Variants in TENM3 observed in about 807,000 individuals in gnomAD.
TENM3 encodes teneurin-3.
TENM3 carries 63 observed loss-of-function variants against 255.1 expected under a neutral mutation model. The observed-to-expected ratio is 0.25, with a 90% CI of 0.20 to 0.30. TENM3 has a LOEUF of 0.30. Ranked by LOEUF, TENM3 falls within the 10% of genes least tolerant of loss-of-function variation. The pLI, the probability that TENM3 is intolerant of heterozygous loss-of-function variation, is 1.00. For synonymous variants in TENM3, 1,306 were observed against 1,322.3 expected (o/e 0.99, Z 0.27); for missense variants, 2,929 against 3,461.1 (o/e 0.85, Z 3.86).
At chr4:182,769,247 T>C (rs756869505) in intron 22 of TENM3, among the ~76,000 whole-genome samples, 2 of 152,114 alleles carry the variant, frequency 1.3e-5, no homozygotes, top group Non-Finnish European at 2.9e-5. Flanking sequence ...TTTGTGGAGG[T>C]AAAGAAGAGT....
At chr4:181,695,248 T>C in the TENM3 span, among the ~76,000 whole-genome samples, 44,428 of 152,016 alleles carry the variant, frequency 0.29, 7,116 homozygotes, top group Admixed American at 0.49. Flanking sequence ...TAGCTAAAGA[T>C]GGCCTCTCTG....
chr4:182,285,300 G>A (rs1395222862), intron 1 of TENM3, among the ~76,000 whole-genome samples: 2 of 151,934 alleles, frequency 1.3e-5, no homozygotes, highest in East Asian at 3.9e-4. Flanking sequence ...ATAGAATATG[G>A]TATAAGGAAT....
the TENM3 span, among the ~76,000 whole-genome samples, chr4:181,864,382 C>T: frequency 6.6e-6 from 1 of 151,974 alleles, no homozygotes; most frequent in Non-Finnish European, 1.5e-5. Context: ...ATTTTCACCC[C>T]GTCTACTTGG....
the TENM3 span, among the ~76,000 whole-genome samples, chr4:181,977,791 G>T: frequency 6.6e-6 from 1 of 152,156 alleles, no homozygotes. Flanking sequence ...TTTTCCTGTG[G>T]ATGCTCACCA....
At chr4:182,324,659 A>AC (rs1196191595) in intron 2 of TENM3, among the ~76,000 whole-genome samples, 3 of 151,928 alleles carry the variant, frequency 2.0e-5, no homozygotes, top group Non-Finnish European at 4.4e-5. Flanking sequence ...TGGTGAAGAA[A>AC]CCCATCTTTC....
chr4:182,397,109 G>A (rs1768878545), intron 3 of TENM3, among the ~76,000 whole-genome samples: 2 of 151,852 alleles, frequency 1.3e-5, no homozygotes, highest in Admixed American at 1.3e-4. Flanking sequence ...TATGAATTAG[G>A]AACAGAAGAG....
chr4:182,214,064 A>G (rs962314044), intron 1 of TENM3, among the ~76,000 whole-genome samples: 1 of 152,164 alleles, frequency 6.6e-6, no homozygotes, highest in African/African-American at 2.4e-5. Flanking sequence ...GGCCTCCCCA[A>G]GTGCTGGGAT....
At chr4:181,970,422 C>G in the TENM3 span, among the ~76,000 whole-genome samples, 1 of 152,128 alleles carries the variant, frequency 6.6e-6, no homozygotes, top group Admixed American at 6.6e-5. Context: ...GAAACTTTAT[C>G]CCAACTATCA....
intron 1 of TENM3, among the ~76,000 whole-genome samples, chr4:182,284,860 C>A (rs1299656007): frequency 6.6e-6 from 1 of 152,150 alleles, no homozygotes; most frequent in Non-Finnish European, 1.5e-5. Flanking sequence ...ATGTCTGATT[C>A]TATTAAGCAT....
intron 13 of TENM3, among the ~76,000 whole-genome samples, chr4:182,724,328 A>G (rs1220736098): frequency 6.6e-6 from 1 of 152,242 alleles, no homozygotes; most frequent in Non-Finnish European, 1.5e-5. Flanking sequence ...TGGGTAATCA[A>G]CTTAGTTAAT....
intron 1 of TENM3, among the ~76,000 whole-genome samples, chr4:182,316,624 G>A (rs1435246634): frequency 6.6e-6 from 1 of 152,116 alleles, no homozygotes. Flanking sequence ...CTTTCAAGGA[G>A]GTGAGTAGTG....
intron 3 of TENM3, among the ~76,000 whole-genome samples, chr4:182,361,267 G>A (rs1243228509): frequency 6.6e-6 from 1 of 151,998 alleles, no homozygotes; most frequent in Non-Finnish European, 1.5e-5. Flanking sequence ...GAATGTTCCT[G>A]CCTTGCTAGA....
intron 4 of TENM3, among the ~76,000 whole-genome samples, chr4:182,608,486 C>G (rs1389844264): frequency 3.9e-5 from 6 of 151,926 alleles, no homozygotes; most frequent in Non-Finnish European, 8.8e-5. Context: ...CGTTTATTTT[C>G]CACGAGGTGC....
chr4:182,506,942 CTG>C (rs1736887746), intron 3 of TENM3, among the ~76,000 whole-genome samples: 1 of 152,132 alleles, frequency 6.6e-6, no homozygotes, highest in South Asian at 2.1e-4. Context: ...GTTATCTTAT[CTG>C]TGTTTAATCT....
chr4:181,784,492 G>A, the TENM3 span, among the ~76,000 whole-genome samples: 2 of 151,932 alleles, frequency 1.3e-5, no homozygotes, highest in African/African-American at 4.8e-5. Context: ...TCACAAGTGA[G>A]ACTGGTGAAT....
intron 22 of TENM3, among the ~76,000 whole-genome samples, chr4:182,757,547 T>G (rs17074027): frequency 0.066 from 10,078 of 152,258 alleles, 373 homozygotes; most frequent in South Asian, 0.14. Context: ...GGTTTGCTTA[T>G]GGCCTACAAA....
At chr4:181,509,123 A>G in the TENM3 span, among the ~76,000 whole-genome samples, 21 of 152,172 alleles carry the variant, frequency 1.4e-4, no homozygotes, top group Admixed American at 2.0e-4. Context: ...CACGTGGAAC[A>G]TGGCACTTTC....
chr4:182,321,004 G>A (rs1914050), intron 1 of TENM3, among the ~76,000 whole-genome samples: 25,885 of 152,146 alleles, frequency 0.17, 2,427 homozygotes, highest in Middle Eastern at 0.24. Flanking sequence ...TCAATTTAGG[G>A]CAAGAAATGA....
chr4:182,671,448 A>G (rs957490156), intron 6 of TENM3, among the ~76,000 whole-genome samples: 4 of 152,194 alleles, frequency 2.6e-5, no homozygotes, highest in Admixed American at 1.3e-4. Context: ...CTGTTCCTCA[A>G]TGTTTACCAC....
Sources: allele counts gnomAD v4.1 joint callset (sites outside exome capture counted in the v4.1 genomes callset), GRCh38; gene constraint gnomAD v4.1.1; transcripts MANE v1.5; gene names NCBI Gene and HGNC (gene_info 2026-07-23, HGNC 2026-07-21).